Variants in ALMS1 observed in about 807,000 individuals in gnomAD.
ALMS1 encodes centrosome-associated protein ALMS1.
A neutral mutation model predicts 352.2 loss-of-function variants in ALMS1; 271 were observed. The observed-to-expected ratio is 0.77, with a 90% CI of 0.70 to 0.85. ALMS1 has a LOEUF of 0.85. Ranked by LOEUF, ALMS1 falls within the 40% of genes least tolerant of loss-of-function variation. The probability of loss-of-function intolerance (pLI) is 0.00; values close to 1 mark genes in which losing one functional copy is unlikely to be tolerated. For synonymous variants in ALMS1, 1,865 were observed against 1,761.2 expected (o/e 1.06, Z -1.48); for missense variants, 5,445 against 4,870.7 (o/e 1.12, Z -3.51).
At chr2:73,420,520 C>T (rs1447147539) in intron 3 of ALMS1, among the ~76,000 whole-genome samples, 1 of 152,038 alleles carries the variant, frequency 6.6e-6, no homozygotes, top group Non-Finnish European at 1.5e-5. Context: ...GGATACATAA[C>T]TTAAAGGGAA....
intron 1 of ALMS1, among the ~76,000 whole-genome samples, chr2:73,396,571 T>TTG (rs1670765505): frequency 6.7e-6 from 1 of 149,268 alleles, no homozygotes; most frequent in Admixed American, 6.7e-5. Context: ...TTTTTTTTTT[T>TTG]GCAGGATGGG....
intron 15 of ALMS1, among the ~76,000 whole-genome samples, chr2:73,568,251 CTAT>C (rs1674843831): frequency 6.6e-6 from 1 of 152,124 alleles, no homozygotes; most frequent in Admixed American, 6.5e-5. Context: ...TCTTATAAGA[CTAT>C]TATTAGAAGT....
intron 9 of ALMS1, among the ~76,000 whole-genome samples, chr2:73,480,572 G>A (rs1440970905): frequency 1.9e-4 from 29 of 151,632 alleles, no homozygotes; most frequent in Admixed American, 5.9e-4. Flanking sequence ...ATGATTTATA[G>A]TCCTTTGGGT....
At chr2:73,569,476 G>A (rs1018689702) in intron 15 of ALMS1, among the ~76,000 whole-genome samples, 6 of 151,912 alleles carry the variant, frequency 3.9e-5, no homozygotes, top group African/African-American at 1.2e-4. Flanking sequence ...ATTCTAGATA[G>A]GCCTTCAAAT....
chr2:73,414,822 G>T (rs912313852), intron 2 of ALMS1, among the ~76,000 whole-genome samples: 1 of 151,838 alleles, frequency 6.6e-6, no homozygotes, highest in African/African-American at 2.4e-5. Context: ...ACCCAAGTAT[G>T]ACTCAAATGT....
Position 73,489,964 on chromosome 2 carries a change from C to G in ALMS1, c.8005C>G (p.Arg2669Gly), listed in dbSNP as rs549857076. ...TGAATTCAAAATCAGCAAAGGTCTTCGAATGCCATTCGATGAAAAGATGGA... is the reference window on the plus strand; with the variant it reads ...TGAATTCAAAATCAGCAAAGGTCTTGGAATGCCATTCGATGAAAAGATGGA... ...PDEFKISKGL[R>G]MPFDEKMDPW... The change falls in exon 10 of 23, where the codon CGA becomes GGA. Residue 2669 changes from arginine to glycine, a missense_variant. Transcript: ENST00000613296. 1.2e-6 allele frequency: 2 copies of G among 1,614,194 alleles called. No individual in the cohort carries two copies. The highest frequency in any genetic ancestry group is 2.2e-5 in the East Asian group (1 of 44,886).
At chr2:73,590,553 T>A (rs908429740) in intron 16 of ALMS1, among the ~76,000 whole-genome samples, 1 of 152,348 alleles carries the variant, frequency 6.6e-6, no homozygotes. Context: ...TTACATTTCT[T>A]ACTTTGAGAA....
Position 73,448,408 on chromosome 2 carries a change from G to A in ALMS1, c.1881G>A (p.Lys627=). Residue 627 remains lysine (K), a synonymous_variant, in exon 8 of 23, where the codon AAG becomes AAA. Transcript: ENST00000613296. ...CTACTTCCTACTCACATAGAGAGAA[G>A]CCTGGTACTTTTTACCAACAAGAGT... ...LTSTSYSHRE[K]PGTFYQQELP... is the part of the protein sequence containing the mutation. The A allele has an allele frequency of 1.2e-6, 2 of 1,614,038 alleles. No individual in the cohort carries two copies. The highest frequency in any genetic ancestry group is 1.7e-6 in the Non-Finnish European group (2 of 1,179,940).
In ALMS1 at chr2:73,419,396, C is replaced by A; in HGVS notation, c.646+78C>A. The stretch of plus-strand genomic sequence containing the variant: ...CGGGGACTGCAAGTCTTGTAACTTT[C>A]CCCTTTTTGAGTTAAGGAGCTCTGT... On this transcript the variant is annotated intron_variant, in intron 3 of 22. Transcript: ENST00000613296. 2.8e-6 allele frequency: 4 copies of A among 1,425,448 alleles called. No homozygotes were observed. The Admixed American group carries it at 6.7e-5, about 24-fold the overall frequency. 88.3% of individuals were successfully genotyped at this position (1,425,448 alleles called of 1,614,324 possible). A position where few individuals can be genotyped will look rare whatever the true frequency, so the allele number is the denominator to read the frequency against.
intron 9 of ALMS1, among the ~76,000 whole-genome samples, chr2:73,465,166 G>A (rs1180170792): frequency 6.6e-6 from 1 of 151,586 alleles, no homozygotes; most frequent in Non-Finnish European, 1.5e-5. Flanking sequence ...CCAAAAAAGA[G>A]CCTGCATCGC....
intron 7 of ALMS1, among the ~76,000 whole-genome samples, chr2:73,436,709 G>A (rs564651672): frequency 5.3e-5 from 8 of 152,014 alleles, no homozygotes; most frequent in Non-Finnish European, 1.2e-4. Flanking sequence ...GTACTTTTCA[G>A]CCTTAGAATT....
chr2:73,532,929 T>G (rs975246945), intron 11 of ALMS1, among the ~76,000 whole-genome samples: 2 of 152,162 alleles, frequency 1.3e-5, no homozygotes, highest in African/African-American at 4.8e-5. Flanking sequence ...AAGTACTCTT[T>G]AGTCAGCAGG....
intron 9 of ALMS1, among the ~76,000 whole-genome samples, chr2:73,487,703 C>G (rs1672882522): frequency 6.6e-6 from 1 of 152,124 alleles, no homozygotes; most frequent in African/African-American, 2.4e-5. Flanking sequence ...GGTATGTGGA[C>G]AACTGGAGGG....
chr2:73,599,370 A>G lies in ALMS1; in HGVS notation c.11548-31A>G, dbSNP rs769858661. 25 of 1,609,790 alleles carry G rather than the reference A, an allele frequency of 1.6e-5. No homozygotes were observed. The South Asian group carries it at 2.2e-4, about 14-fold the overall frequency. Reference sequence around the variant, plus strand: ...GATAACTGTGACATTGACTGCAGGTAATAATAACAAGATCTCTTTTATTTT... The same window carrying G: ...GATAACTGTGACATTGACTGCAGGTGATAATAACAAGATCTCTTTTATTTT... On this transcript the variant is annotated intron_variant, in intron 16 of 22. Transcript: ENST00000613296.
At chr2:73,579,702 A>G (rs537842497) in intron 16 of ALMS1, among the ~76,000 whole-genome samples, 52 of 152,150 alleles carry the variant, frequency 3.4e-4, no homozygotes, top group African/African-American at 1.3e-3. Context: ...CAAATATGTC[A>G]TTTCACTGCC....
At chr2:73,559,760 G>A (rs1309828760) in intron 15 of ALMS1, among the ~76,000 whole-genome samples, 1 of 151,858 alleles carries the variant, frequency 6.6e-6, no homozygotes. Context: ...TTTGACAATA[G>A]CCAAGACTAC....
At chr2:73,498,608 A>C (rs896849685) in intron 10 of ALMS1, among the ~76,000 whole-genome samples, 1 of 151,646 alleles carries the variant, frequency 6.6e-6, no homozygotes, top group Non-Finnish European at 1.5e-5. Flanking sequence ...TCTACTCTCT[A>C]TGTCCATGAG....
At chr2:73,532,349 C>T (rs1199839207) in intron 11 of ALMS1, among the ~76,000 whole-genome samples, 1 of 152,230 alleles carries the variant, frequency 6.6e-6, no homozygotes, top group Non-Finnish European at 1.5e-5. Context: ...CCCCCTGGCC[C>T]TAGGCAGGTC....
chr2:73,450,676 A>G lies in ALMS1; in HGVS notation c.4149A>G (p.Gln1383=), dbSNP rs370508895. 1.3e-4 allele frequency: 208 copies of G among 1,612,378 alleles called. No homozygotes were observed. Among genetic ancestry groups the G allele is most frequent in the Admixed American group, 1.2e-3 (72 of 59,790 alleles). ...TPTVTSTSYS[Q]HTEKPSIFYQ... ...CTGTAACCTCTACTTCTTACTCACA[A>G]CATACAGAGAAGCCGAGTATTTTCT... is the stretch of plus-strand genomic sequence containing the variant. Residue 1383 remains glutamine (Q), a synonymous_variant, in exon 8 of 23, where the codon CAA becomes CAG. Transcript: ENST00000613296.
Sources: gnomAD v4.1 joint callset for allele counts (sites outside exome capture counted in the v4.1 genomes callset) on GRCh38, gnomAD v4.1.1 for gene constraint, MANE v1.5 for transcripts, NCBI Gene and HGNC (gene_info 2026-07-23, HGNC 2026-07-21) for gene names.